Variants in RNF170 observed in about 807,000 individuals in gnomAD.
RNF170 encodes ring finger protein 170.
RNF170 carries 12 observed loss-of-function variants against 32.7 expected under a neutral mutation model. The observed-to-expected ratio is 0.37, with a 90% CI of 0.24 to 0.60. RNF170 has a LOEUF of 0.60. Among genes scored for constraint, RNF170 ranks in the 20% least tolerant of loss-of-function variants. RNF170 has a pLI of 0.72. For missense variants in RNF170, 212 were observed against 311.2 expected (o/e 0.68, Z 2.40); for synonymous variants, 91 against 103.6 (o/e 0.88, Z 0.74).
intron 4 of RNF170, among the ~76,000 whole-genome samples, chr8:42,868,294 A>G (rs747336510): frequency 6.6e-6 from 1 of 152,196 alleles, no homozygotes; most frequent in Non-Finnish European, 1.5e-5. Context: ...TAATAATTCT[A>G]TACTATGAAG....
At chr8:42,869,570 G>A (rs1804372533) in intron 4 of RNF170, among the ~76,000 whole-genome samples, 1 of 152,184 alleles carries the variant, frequency 6.6e-6, no homozygotes, top group Admixed American at 6.5e-5. Flanking sequence ...AGTCAAAAGA[G>A]GCAGGAGGAC....
Position 42,853,723 on chromosome 8 carries a change from C to G in RNF170, c.*2436G>C, listed in dbSNP as rs1418755008. On this transcript the variant is annotated 3_prime_UTR_variant, in exon 7 of 7. Coordinates refer to ENST00000527424, the MANE Select transcript of RNF170 (RefSeq NM_030954.4). Reference sequence around the variant, plus strand: ...TGACTCTACTTGCTTTAAAAACTCTCAGATCCCTTCTGCATTTATCATCAG... The same window carrying G: ...TGACTCTACTTGCTTTAAAAACTCTGAGATCCCTTCTGCATTTATCATCAG... 7.8e-7 allele frequency: 1 copy of G among 1,287,012 alleles called. No homozygotes were observed. The highest frequency in any genetic ancestry group is 5.5e-5 in the East Asian group (1 of 18,042). 79.7% of individuals were successfully genotyped at this position (1,287,012 alleles called of 1,614,324 possible).
At chr8:42,878,586 G>T (rs1215478311) in intron 2 of RNF170, among the ~76,000 whole-genome samples, 1 of 152,144 alleles carries the variant, frequency 6.6e-6, no homozygotes, top group African/African-American at 2.4e-5. Context: ...AGCTAGCAGA[G>T]GTTGGTTCAT....
intron 2 of RNF170, among the ~76,000 whole-genome samples, chr8:42,880,030 G>A (rs1356583417): frequency 3.3e-5 from 5 of 152,142 alleles, no homozygotes; most frequent in Non-Finnish European, 5.9e-5. Context: ...ACCGGAGTTT[G>A]GAAGAAGTTG....
At chr8:42,858,011 G>C (rs1301629514) in intron 6 of RNF170, among the ~76,000 whole-genome samples, 1 of 152,152 alleles carries the variant, frequency 6.6e-6, no homozygotes, top group Admixed American at 6.5e-5. Flanking sequence ...TTCTGGCCTG[G>C]GCGACAGAGC....
chr8:42,882,919 T>G (rs1805528109), intron 2 of RNF170, among the ~76,000 whole-genome samples: 1 of 151,936 alleles, frequency 6.6e-6, no homozygotes, highest in African/African-American at 2.4e-5. Flanking sequence ...AAAAAATAGC[T>G]GGCCATGGCG....
rs1305997233 is a variant in RNF170 at position 42,854,649 on chromosome 8, C to T, written c.*1510G>A. ...ATCTGATTAGCTAGAGAGAATGTGA[C>T]AGATTTTCTCCTTATCTCCCAGTCT... On this transcript the variant is annotated 3_prime_UTR_variant, in exon 7 of 7. Coordinates refer to ENST00000527424, the MANE Select transcript of RNF170 (RefSeq NM_030954.4). The T allele has an allele frequency of 1.6e-6, 2 of 1,287,072 alleles. No individual in the cohort carries two copies. Among genetic ancestry groups the T allele is most frequent in the Non-Finnish European group, 1.0e-6 (1 of 988,674 alleles). The allele number at this position is 1,287,072 out of a possible 1,614,324, so 79.7% of individuals were successfully genotyped here. A position where few individuals can be genotyped will look rare whatever the true frequency, so the allele number is the denominator to read the frequency against.
chr8:42,892,157 A>G (rs541024245), intron 1 of RNF170, among the ~76,000 whole-genome samples: 3 of 152,286 alleles, frequency 2.0e-5, no homozygotes, highest in Non-Finnish European at 4.4e-5. Flanking sequence ...TGAAAAACAG[A>G]TATTGCTCAA....
At chr8:42,890,438 C>A (rs138828753) in intron 1 of RNF170, among the ~76,000 whole-genome samples, 1 of 151,778 alleles carries the variant, frequency 6.6e-6, no homozygotes, top group Admixed American at 6.6e-5. Flanking sequence ...CCACCACACC[C>A]GGCTAATTTT....
chr8:42,869,045 G>C (rs1804328421), intron 4 of RNF170, among the ~76,000 whole-genome samples: 1 of 151,804 alleles, frequency 6.6e-6, no homozygotes. Flanking sequence ...CCAGTAGCTG[G>C]GATTGCACAT....
At chr8:42,897,036 T>TGAGGCCGAGTCAGCTGCGCGGGCCC (rs1806994070), upstream of RNF170, 7 of 976,856 alleles carry the variant, frequency 7.2e-6, no homozygotes, top group Non-Finnish European at 6.6e-6. Flanking sequence ...CAGGCGGGCC[T>TGAGGCCGAGTCAGCTGCGCGGGCCC]GAGGCCGAGT....
chr8:42,850,346 G>T, downstream of RNF170: 1 of 214,090 alleles, frequency 4.7e-6, no homozygotes, highest in Non-Finnish European at 9.5e-6. Context: ...ATCGGGCTGC[G>T]TTGCATGTAG....
chr8:42,875,008 T>G (rs1310050398), intron 2 of RNF170, among the ~76,000 whole-genome samples: 1 of 151,622 alleles, frequency 6.6e-6, no homozygotes, highest in Non-Finnish European at 1.5e-5. Flanking sequence ...CCTGTCTCTA[T>G]TAAAAATATA....
rs76083312 is a variant in RNF170 at position 42,854,296 on chromosome 8, G to A, written c.*1863C>T. 22,774 of 1,287,102 alleles carry A rather than the reference G, an allele frequency of 0.018. 224 individuals are homozygous for A. The highest frequency in any genetic ancestry group is 0.02 in the Non-Finnish European group (19,911 of 988,662). 79.7% of individuals were successfully genotyped at this position (1,287,102 alleles called of 1,614,324 possible). A position where few individuals can be genotyped will look rare whatever the true frequency, so the allele number is the denominator to read the frequency against. ...TGCTGTTCCTCTTAACAACTTTCAC[G>A]TCTATCTAAACATTCTATGCAGGAG... On this transcript the variant is annotated 3_prime_UTR_variant, in exon 7 of 7. Coordinates refer to ENST00000527424, the MANE Select transcript of RNF170 (RefSeq NM_030954.4).
chr8:42,896,777 C>CGGCG, upstream of RNF170: 1 of 142,178 alleles, frequency 7.0e-6, no homozygotes, highest in African/African-American at 2.7e-5. Flanking sequence ...GCGGCGGCGG[C>CGGCG]GCGGCGGCGC....
At chr8:42,861,943 G>A in intron 5 of RNF170, 88 bp from the exon 6 acceptor site, 1 of 1,344,940 alleles carries the variant, frequency 7.4e-7, no homozygotes, top group Non-Finnish European at 1.0e-6. Context: ...GAATGATAAA[G>A]GCTTCTATAT....
chr8:42,861,846 G>T lies in RNF170; in HGVS notation c.406C>A (p.Leu136Ile). The T allele has an allele frequency of 6.2e-7, 1 of 1,612,992 alleles. No individual in the cohort carries two copies. The highest frequency in any genetic ancestry group is 8.5e-7 in the Non-Finnish European group (1 of 1,179,570). ...CPICRQTVTL[L>I]LTVFGEDDQS... ...TCATCTTCACCAAATACTGTTAGGA[G>T]TAAGGTTACCTGTATATTACAGAAA... The change falls in exon 6 of 7, where the codon CTC (leucine) becomes ATC (isoleucine). Residue 136 changes from leucine to isoleucine, a missense_variant. This residue lies in a region of RNF170 where 97 missense variants were observed against 178.9 expected (regional missense o/e 0.54). Coordinates refer to ENST00000527424, the MANE Select transcript of RNF170 (RefSeq NM_030954.4).
intron 2 of RNF170, among the ~76,000 whole-genome samples, chr8:42,877,087 C>T (rs562911269): frequency 2.7e-5 from 4 of 149,074 alleles, no homozygotes; most frequent in African/African-American, 9.9e-5. Flanking sequence ...CCGAGTAGCC[C>T]GGCTAATTTT....
At chr8:42,856,988 CT>C (rs1803291328) in intron 6 of RNF170, among the ~76,000 whole-genome samples, 7 of 152,150 alleles carry the variant, frequency 4.6e-5, no homozygotes, top group Admixed American at 4.6e-4. Context: ...TATGAAAGAC[CT>C]TTATAACTTG....
Sources: allele counts gnomAD v4.1 joint callset (sites outside exome capture counted in the v4.1 genomes callset), GRCh38; gene constraint gnomAD v4.1.1; regional missense constraint gnomAD v4.1.1; transcripts MANE v1.5; gene names NCBI Gene and HGNC (gene_info 2026-07-23, HGNC 2026-07-21).